SPDYE6: variants seen among roughly 807,000 people sequenced by gnomAD.
SPDYE6 encodes speedy/RINGO cell cycle regulator family member E6.
For synonymous variants in SPDYE6, 2 were observed against 103.0 expected (o/e 0.02, Z 5.94); for missense variants, 8 against 297.9 (o/e 0.03, Z 7.16).
intron 2 of SPDYE6, among the ~76,000 whole-genome samples, chr7:102,353,602 T>C (rs1794606377): frequency 7.2e-6 from 1 of 138,160 alleles, no homozygotes; most frequent in Admixed American, 7.1e-5. Context: ...GAACACTTCC[T>C]CATATCCTTC....
Position 102,345,852 on chromosome 7 carries a change from T to C in SPDYE6, c.*1415A>G, listed in dbSNP as rs1386649456. On this transcript the variant is annotated 3_prime_UTR_variant, in exon 8 of 8. Coordinates refer to ENST00000563237, the MANE Select transcript of SPDYE6 (RefSeq NM_001146210.4). The stretch of plus-strand genomic sequence containing the variant: ...TCATGTCCTCCTTTAGAACACACAT[T>C]CTCTTTAAAGTAATATACAAACATG... Among the ~76,000 whole-genome samples the C allele has an allele frequency of 7.2e-5, 11 of 152,200 alleles. No homozygotes were observed. Among genetic ancestry groups the C allele is most frequent in the South Asian group, 4.2e-4 (2 of 4,776 alleles).
chr7:102,351,526 T>A (rs563650883), intron 4 of SPDYE6, among the ~76,000 whole-genome samples: 4 of 34,598 alleles, frequency 1.2e-4, no homozygotes, highest in African/African-American at 7.8e-4. Flanking sequence ...TGAGCTATGT[T>A]CATGCCACTG....
rs1283390667 is a variant in SPDYE6 at position 102,346,308 on chromosome 7, T to C, written c.*959A>G. On this transcript the variant is annotated 3_prime_UTR_variant, in exon 8 of 8. Coordinates refer to ENST00000563237, the MANE Select transcript of SPDYE6 (RefSeq NM_001146210.4). ...ATAAAATAATATTTAAATAATTCTA[T>C]ACCCATGTTTTTCAAAATAAACCAA... Among the ~76,000 whole-genome samples the C allele has an allele frequency of 6.0e-5, 8 of 132,904 alleles. No individual in the cohort carries two copies. The highest frequency in any genetic ancestry group is 8.4e-5 in the African/African-American group (3 of 35,822). 87.2% of individuals were successfully genotyped at this position (132,904 alleles called of 152,430 possible). A position where few individuals can be genotyped will look rare whatever the true frequency, so the allele number is the denominator to read the frequency against.
At chr7:102,352,280 A>G (rs1280496627) in intron 3 of SPDYE6, among the ~76,000 whole-genome samples, 156 bp from the exon 4 acceptor site, 8 of 151,696 alleles carry the variant, frequency 5.3e-5, no homozygotes, top group Admixed American at 1.3e-4. Flanking sequence ...TTCACTGGGC[A>G]AGGGAGAGAG....
chr7:102,354,605 TG>T (rs1794625613), intron 2 of SPDYE6, 97 bp downstream of exon 2: 1 of 515,716 alleles, frequency 1.9e-6, no homozygotes, highest in African/African-American at 4.1e-5. Flanking sequence ...GCTCAGCTAC[TG>T]GGGGCGTATC....
In SPDYE6 at chr7:102,346,505, A is replaced by T. The variant is rs1481433570; in HGVS notation, c.*762T>A. On this transcript the variant is annotated 3_prime_UTR_variant, in exon 8 of 8. Transcript: ENST00000563237. ...CTACCAATAGCTATAAATAGAAGAG[A>T]TTATTATGGAAGTATCATAGATAAA... 2.6e-5 allele frequency among the ~76,000 whole-genome samples: 4 copies of T among 151,358 alleles called. No individual in the cohort carries two copies. The highest frequency in any genetic ancestry group is 1.9e-4 in the East Asian group (1 of 5,182).
rs879980403 is a variant in SPDYE6 at position 102,352,565 on chromosome 7, CTTTG to C, written c.611-445_611-442del. On this transcript the variant is annotated intron_variant, in intron 3 of 7. Coordinates refer to ENST00000563237, the MANE Select transcript of SPDYE6 (RefSeq NM_001146210.4). ...CAGAGGGCACAGCGGAAACCACTTTCTTTGTTTATTGATTTTGTTTTTCTTTATT... is the reference window on the plus strand; with the variant it reads ...CAGAGGGCACAGCGGAAACCACTTTCTTTATTGATTTTGTTTTTCTTTATT... Among the ~76,000 whole-genome samples the C allele has an allele frequency of 1.3e-3, 176 of 139,806 alleles. 3 individuals are homozygous for C. Among genetic ancestry groups the C allele is most frequent in the African/African-American group, 4.4e-3 (169 of 38,094 alleles). 91.7% of individuals were successfully genotyped at this position (139,806 alleles called of 152,430 possible). A position where few individuals can be genotyped will look rare whatever the true frequency, so the allele number is the denominator to read the frequency against.
rs1794487920 is a variant in SPDYE6 at position 102,345,922 on chromosome 7, CAT to C, written c.*1343_*1344del. On this transcript the variant is annotated 3_prime_UTR_variant, in exon 8 of 8. Transcript: ENST00000563237. Reference sequence around the variant, plus strand: ...TACATCTGAATTCTCACATTTCAAACATATATGAAATATCAAATAAAAATTTA... The same window carrying C: ...TACATCTGAATTCTCACATTTCAAACATATGAAATATCAAATAAAAATTTA... Among the ~76,000 whole-genome samples, 1 of 152,052 alleles carries C rather than the reference CAT, an allele frequency of 6.6e-6. No homozygotes were observed. Among genetic ancestry groups the C allele is most frequent in the Non-Finnish European group, 1.5e-5 (1 of 68,024 alleles).
At position 102,345,863 on chromosome 7, in the gene SPDYE6, T is replaced by A. The variant is rs1554561975; in HGVS notation, c.*1404A>T. 6.6e-6 allele frequency among the ~76,000 whole-genome samples: 1 copy of A among 152,198 alleles called. No homozygotes were observed. The highest frequency in any genetic ancestry group is 1.5e-5 in the Non-Finnish European group (1 of 68,048). ...TTTAGAACACACATTCTCTTTAAAG[T>A]AATATACAAACATGCCAAAACAAGG... On this transcript the variant is annotated 3_prime_UTR_variant, in exon 8 of 8. Coordinates refer to ENST00000563237, the MANE Select transcript of SPDYE6 (RefSeq NM_001146210.4).
At position 102,354,873 on chromosome 7, in the gene SPDYE6, CT is replaced by C; in HGVS notation, c.208del (p.Arg70GlyfsTer26). The C allele has an allele frequency of 2.3e-6, 1 of 435,638 alleles. No individual in the cohort carries two copies. Among genetic ancestry groups the C allele is most frequent in the Non-Finnish European group, 3.5e-6 (1 of 289,246 alleles). The allele number at this position is 435,638 out of a possible 1,614,324, so 27.0% of individuals were successfully genotyped here. A position where few individuals can be genotyped will look rare whatever the true frequency, so the allele number is the denominator to read the frequency against. ...AGATTCATCTGACCACTCCCTCTTC[CT>C]TTTCCAGCCAAGGGACCTACATGGG... The part of the protein sequence containing the change: ...SPPCRSLGWK[R>X]KREWSDESEE... On this transcript the variant is annotated frameshift_variant, in exon 2 of 8. Transcript: ENST00000563237. LOFTEE classifies it high-confidence loss of function.
rs1794495028 is a variant in SPDYE6, at chr7:102,346,274, T to C, written c.*993A>G. 6.8e-6 allele frequency among the ~76,000 whole-genome samples: 1 copy of C among 147,622 alleles called. No homozygotes were observed. Among genetic ancestry groups the C allele is most frequent in the African/African-American group, 2.5e-5 (1 of 40,772 alleles). On this transcript the variant is annotated 3_prime_UTR_variant, in exon 8 of 8. Coordinates refer to ENST00000563237, the MANE Select transcript of SPDYE6 (RefSeq NM_001146210.4). ...AATAAATAAATATATTTAATAAATA[T>C]TTAAATAAATAAAATAATATTTAAA...
intron 4 of SPDYE6, among the ~76,000 whole-genome samples, 167 bp downstream of exon 4, chr7:102,351,899 T>TCACACA (rs1301839417): frequency 8.7e-4 from 13 of 14,948 alleles, no homozygotes; most frequent in East Asian, 3.6e-3. Flanking sequence ...AGACTCTGTC[T>TCACACA]CACACACACA....
Position 102,346,187 on chromosome 7 carries a change from AT to A in SPDYE6, c.*1079del, listed in dbSNP as rs1794493107. 6.7e-6 allele frequency among the ~76,000 whole-genome samples: 1 copy of A among 148,946 alleles called. No homozygotes were observed. ...ACACAGCTTTGTAGAAACAGCATCTATTCAAAAATACCAGTATTTCCAAAAT... is the reference window on the plus strand; with the variant it reads ...ACACAGCTTTGTAGAAACAGCATCTATCAAAAATACCAGTATTTCCAAAAT... On this transcript the variant is annotated 3_prime_UTR_variant, in exon 8 of 8. Coordinates refer to ENST00000563237, the MANE Select transcript of SPDYE6 (RefSeq NM_001146210.4).
chr7:102,354,032 T>TC (rs1174011718), intron 2 of SPDYE6, among the ~76,000 whole-genome samples: 6 of 24,286 alleles, frequency 2.5e-4, no homozygotes, highest in Non-Finnish European at 5.4e-4. Flanking sequence ...CTTCCTTCCT[T>TC]TTTTTTTTTT....
At position 102,346,471 on chromosome 7, in the gene SPDYE6, G is replaced by A. The variant is rs545653848; in HGVS notation, c.*796C>T. On this transcript the variant is annotated 3_prime_UTR_variant, in exon 8 of 8. Transcript: ENST00000563237. ...TATCACCAGAATTATGTATTTTTCT[G>A]GTGGGGAACTACCAATAGCTATAAA... 1.2e-4 allele frequency among the ~76,000 whole-genome samples: 18 copies of A among 150,868 alleles called. No homozygotes were observed. The highest frequency in any genetic ancestry group is 4.4e-4 in the African/African-American group (18 of 41,354).
Position 102,346,344 on chromosome 7 carries a change from A to G in SPDYE6, c.*923T>C. 6.7e-6 allele frequency among the ~76,000 whole-genome samples: 1 copy of G among 148,342 alleles called. No individual in the cohort carries two copies. The highest frequency in any genetic ancestry group is 3.5e-3 in the Middle Eastern group (1 of 282). On this transcript the variant is annotated 3_prime_UTR_variant, in exon 8 of 8. Coordinates refer to ENST00000563237, the MANE Select transcript of SPDYE6 (RefSeq NM_001146210.4). ...TTCAAAATAAACCAATAAAATAGAT[A>G]GTATATATTAGACGTGTTAGTATAT... is the stretch of plus-strand genomic sequence containing the variant.
Position 102,346,452 on chromosome 7 carries a change from C to T in SPDYE6, c.*815G>A, listed in dbSNP as rs1463555796. On this transcript the variant is annotated 3_prime_UTR_variant, in exon 8 of 8. Transcript: ENST00000563237. ...AACAGCAAATAAAAATTTCTATCAC[C>T]AGAATTATGTATTTTTCTGGTGGGG... is the stretch of plus-strand genomic sequence containing the variant. 8.0e-5 allele frequency among the ~76,000 whole-genome samples: 12 copies of T among 150,582 alleles called. No homozygotes were observed. Among genetic ancestry groups the T allele is most frequent in the African/African-American group, 2.9e-4 (12 of 41,324 alleles).
In SPDYE6 at chr7:102,346,286, AAAT is replaced by A. The variant is rs1243206325; in HGVS notation, c.*978_*980del. On this transcript the variant is annotated 3_prime_UTR_variant, in exon 8 of 8. Transcript: ENST00000563237. ...TATTTAATAAATATTTAAATAAATA[AAAT>A]AATATTTAAATAATTCTATACCCAT... Among the ~76,000 whole-genome samples, 1 of 147,656 alleles carries A rather than the reference AAAT, an allele frequency of 6.8e-6. No individual in the cohort carries two copies. The highest frequency in any genetic ancestry group is 1.5e-5 in the Non-Finnish European group (1 of 66,944).
Position 102,346,260 on chromosome 7 carries a change from A to ATATTTAATAAATATTTAAATAAATAAATC in SPDYE6, c.*1006_*1007insGATTTATTTATTTAAATATTTATTAAATA, listed in dbSNP as rs1794494900. Among the ~76,000 whole-genome samples, 1 of 147,942 alleles carries ATATTTAATAAATATTTAAATAAATAAATC rather than the reference A, an allele frequency of 6.8e-6. No homozygotes were observed. The highest frequency in any genetic ancestry group is 2.1e-4 in the South Asian group (1 of 4,788). On this transcript the variant is annotated 3_prime_UTR_variant, in exon 8 of 8. Coordinates refer to ENST00000563237, the MANE Select transcript of SPDYE6 (RefSeq NM_001146210.4). Reference sequence around the variant, plus strand: ...AAAAATAATATTTAAATAAATAAATATATTTAATAAATATTTAAATAAATA... The same window carrying ATATTTAATAAATATTTAAATAAATAAATC: ...AAAAATAATATTTAAATAAATAAATATATTTAATAAATATTTAAATAAATAAATCTATTTAATAAATATTTAAATAAATA...
Sources: allele counts gnomAD v4.1 joint callset (sites outside exome capture counted in the v4.1 genomes callset), GRCh38; gene constraint gnomAD v4.1.1; transcripts MANE v1.5; gene names NCBI Gene and HGNC (gene_info 2026-07-23, HGNC 2026-07-21).